PTPRF: variants seen among roughly 807,000 people sequenced by gnomAD.
PTPRF encodes the protein protein tyrosine phosphatase receptor type F.
Under a neutral mutation model 201.8 loss-of-function variants are expected in PTPRF, and 59 were observed. That is an observed-to-expected ratio of 0.29 (90% CI 0.24 to 0.36). The LOEUF is 0.36. Among genes scored for constraint, PTPRF ranks in the 10% least tolerant of loss-of-function variants. The pLI is 1.00. For missense variants in PTPRF, 2,132 were observed against 2,690.5 expected, an observed-to-expected ratio of 0.79 and a Z score of 4.59; for synonymous variants, 1,088 against 1,089.7, an observed-to-expected ratio of 1.00 and a Z score of 0.03.
In PTPRF at chr1:43,542,654, C is replaced by T. The variant is rs1644428825; in HGVS notation, c.-45-2377C>T. ...TGAAGTCTGTAACAGCACGTTACAC[C>T]TCTGCTAATGTATGGGGAGTTGCAC... On this transcript the variant is annotated intron_variant, in intron 2 of 33. Transcript: ENST00000359947. The surrounding 1 kb of genome is among the most constrained non-coding windows in gnomAD (Gnocchi z 5.2). Among the ~76,000 whole-genome samples the T allele has an allele frequency of 1.3e-5, 2 of 152,100 alleles. No homozygotes were observed. The highest frequency in any genetic ancestry group is 4.1e-4 in the South Asian group (2 of 4,820).
upstream of PTPRF, among the ~76,000 whole-genome samples, chr1:43,526,002 AT>A (rs940067416): frequency 1.3e-5 from 2 of 151,306 alleles, no homozygotes; most frequent in Non-Finnish European, 2.9e-5. Context: ...AAGGGAGGGA[AT>A]TTTTTTTAGG....
At position 43,593,655 on chromosome 1, in the gene PTPRF, G is replaced by A. The variant is rs189085841; in HGVS notation, c.1813+1054G>A. 1.2e-3 allele frequency among the ~76,000 whole-genome samples: 173 copies of A among 138,500 alleles called. 1 individual carries two copies. Among genetic ancestry groups the A allele is most frequent in the African/African-American group, 4.3e-3 (158 of 36,896 alleles). 90.9% of individuals were successfully genotyped at this position (138,500 alleles called of 152,430 possible). The stretch of plus-strand genomic sequence containing the variant: ...GGTCACAAGGTAAGCCACCGTGCCT[G>A]GCTCTTCCATCCTACTTTACACAAA... On this transcript the variant is annotated intron_variant, in intron 11 of 33. Coordinates refer to ENST00000359947, the MANE Select transcript of PTPRF (RefSeq NM_002840.5).
Position 43,605,461 on chromosome 1 carries a change from C to CG in PTPRF, c.3389+23dup. On this transcript the variant is annotated intron_variant, in intron 18 of 33. Transcript: ENST00000359947. ...CTTGTCAGGTGTGCACACGAGGTATCGGGGGAGGCGGGGCAGGGCTGGAGG... is the reference window on the plus strand; with the variant it reads ...CTTGTCAGGTGTGCACACGAGGTATCGGGGGGAGGCGGGGCAGGGCTGGAGG... The CG allele has an allele frequency of 2.5e-6, 4 of 1,610,144 alleles. 1 individual carries two copies. The highest frequency in any genetic ancestry group is 3.3e-4 in the Middle Eastern group (2 of 6,044).
chr1:43,525,804 C>T (rs1336004022), upstream of PTPRF, among the ~76,000 whole-genome samples: 1 of 35,566 alleles, frequency 2.8e-5, no homozygotes, highest in Non-Finnish European at 4.7e-5. Flanking sequence ...GACTCAGTCT[C>T]AAAAAAAAAA....
At chr1:43,551,552 C>T (rs564099587) in intron 3 of PTPRF, among the ~76,000 whole-genome samples, 126 of 152,274 alleles carry the variant, frequency 8.3e-4, no homozygotes, top group African/African-American at 3.0e-3. Context: ...AGAACATAGT[C>T]AGTCCCAAGG....
Position 43,553,506 on chromosome 1 carries a change from A to T in PTPRF, c.106A>T (p.Ile36Phe), listed in dbSNP as rs556396767. ...ATCTCTTCCAGGCAAACCTGTCTTCATTAAAGTCCCTGAGGACCAGACTGG... is the reference window on the plus strand; with the variant it reads ...ATCTCTTCCAGGCAAACCTGTCTTCTTTAAAGTCCCTGAGGACCAGACTGG... ...GAHGDSKPVF[I>F]KVPEDQTGLS... Residue 36 changes from isoleucine (I) to phenylalanine (F), a missense_variant, in exon 4 of 34, where the codon ATT (isoleucine) becomes TTT (phenylalanine). Ile to Phe is a conservative substitution (Grantham distance 21). Coordinates refer to ENST00000359947, the MANE Select transcript of PTPRF (RefSeq NM_002840.5). The surrounding 1 kb of genome is among the most constrained non-coding windows in gnomAD (Gnocchi z 4.1). The T allele has an allele frequency of 8.7e-6, 14 of 1,614,042 alleles. No individual in the cohort carries two copies. In the South Asian group the frequency reaches 1.3e-4, roughly 15 times the overall value.
chr1:43,622,091 C>T lies in PTPRF; in HGVS notation c.*88C>T. The T allele has an allele frequency of 7.1e-7, 1 of 1,403,218 alleles. No individual in the cohort carries two copies. The highest frequency in any genetic ancestry group is 1.0e-6 in the Non-Finnish European group (1 of 995,186). The allele number at this position is 1,403,218 out of a possible 1,614,324, so 86.9% of individuals were successfully genotyped here. ...GAGCCATACCGACCATCGTCCAGCCCTCCTACGCAGATGCTGTCACTGGCA... is the reference window on the plus strand; with the variant it reads ...GAGCCATACCGACCATCGTCCAGCCTTCCTACGCAGATGCTGTCACTGGCA... On this transcript the variant is annotated 3_prime_UTR_variant, in exon 34 of 34. Coordinates refer to ENST00000359947, the MANE Select transcript of PTPRF (RefSeq NM_002840.5).
intron 11 of PTPRF, among the ~76,000 whole-genome samples, chr1:43,596,381 G>A (rs1255209122): frequency 6.6e-6 from 1 of 152,134 alleles, no homozygotes; most frequent in African/African-American, 2.4e-5. Flanking sequence ...GTGGGTCAAG[G>A]GGCTGCTGAA....
Position 43,570,009 on chromosome 1 carries a change from C to T in PTPRF, c.568+231C>T, listed in dbSNP as rs145030939. ...TCAGACTCCAGACTTTGGGCCAGTTCTGCCCCTCCCAGCACATGTGATGTG... is the reference window on the plus strand; with the variant it reads ...TCAGACTCCAGACTTTGGGCCAGTTTTGCCCCTCCCAGCACATGTGATGTG... On this transcript the variant is annotated intron_variant, in intron 6 of 33. Transcript: ENST00000359947. Among the ~76,000 whole-genome samples the T allele has an allele frequency of 6.0e-4, 92 of 152,328 alleles. No homozygotes were observed. In the East Asian group the frequency reaches 0.017, roughly 28 times the overall value.
chr1:43,604,347 G>A (rs1654525701), intron 16 of PTPRF, among the ~76,000 whole-genome samples, 158 bp downstream of exon 16: 1 of 152,122 alleles, frequency 6.6e-6, no homozygotes, highest in African/African-American at 2.4e-5. Context: ...TAGTGAATGG[G>A]CACCACATTC....
chr1:43,540,518 G>A (rs979006721), intron 2 of PTPRF, among the ~76,000 whole-genome samples: 2 of 152,206 alleles, frequency 1.3e-5, no homozygotes, highest in Non-Finnish European at 2.9e-5. Flanking sequence ...GGGCCTGGAG[G>A]CTTAGGGGTT....
intron 3 of PTPRF, among the ~76,000 whole-genome samples, chr1:43,545,395 C>T (rs556913472): frequency 1.3e-5 from 2 of 152,202 alleles, no homozygotes; most frequent in East Asian, 3.9e-4. Context: ...GAATCGTGAC[C>T]CTGTCTTATG....
intron 7 of PTPRF, chr1:43,580,079 G>A (rs1245255864): frequency 3.0e-5 from 4 of 132,956 alleles, no homozygotes; most frequent in Admixed American, 7.1e-5. Flanking sequence ...AAAAAAAAAA[G>A]TACAACTGTC....
Position 43,619,218 on chromosome 1 carries a change from G to A in PTPRF, c.4646+16G>A, listed in dbSNP as rs554060423. 1.7e-6 allele frequency: 1 copy of A among 597,790 alleles called. No homozygotes were observed. 37.0% of individuals were successfully genotyped at this position (597,790 alleles called of 1,614,324 possible). ...TGCACTGCAGGTGAGAGGGTACAGT[G>A]CCACCCAGAGGGGTGGGTGGGGTGG... On this transcript the variant is annotated intron_variant, in intron 27 of 33. Coordinates refer to ENST00000359947, the MANE Select transcript of PTPRF (RefSeq NM_002840.5).
chr1:43,614,878 TAAAA>T (rs1209162371), intron 23 of PTPRF, among the ~76,000 whole-genome samples: 1 of 151,966 alleles, frequency 6.6e-6, no homozygotes, highest in African/African-American at 2.4e-5. Flanking sequence ...AAAAAACTCT[TAAAA>T]AAGAGTATTT....
At chr1:43,587,356 G>T (rs1199463468) in intron 7 of PTPRF, among the ~76,000 whole-genome samples, 1 of 152,214 alleles carries the variant, frequency 6.6e-6, no homozygotes, top group Non-Finnish European at 1.5e-5. Context: ...TTTGGTGGTG[G>T]CAGTTGCCTG....
intron 8 of PTPRF, among the ~76,000 whole-genome samples, chr1:43,589,466 G>A (rs1650041606): frequency 6.6e-6 from 1 of 151,972 alleles, no homozygotes; most frequent in African/African-American, 2.4e-5. Flanking sequence ...TAGCCTCCCA[G>A]CAAGAAGGGT....
At position 43,619,672 on chromosome 1, in the gene PTPRF, C is replaced by T; in HGVS notation, c.4933-8C>T. ...AGCCTGGCCTGACCAATCCCTGCCT[C>T]TCAATAGTTGCTGGCCAGCTCCAAG... On this transcript the variant is annotated splice_polypyrimidine_tract_variant and splice_region_variant and intron_variant, in intron 28 of 33. Transcript: ENST00000359947. The T allele has an allele frequency of 6.2e-7, 1 of 1,613,862 alleles. No individual in the cohort carries two copies. Among genetic ancestry groups the T allele is most frequent in the Non-Finnish European group, 8.5e-7 (1 of 1,179,820 alleles).
chr1:43,549,230 C>T (rs552525126), intron 3 of PTPRF, among the ~76,000 whole-genome samples: 14 of 152,188 alleles, frequency 9.2e-5, no homozygotes, highest in African/African-American at 2.2e-4. Flanking sequence ...AGTTGTGTTC[C>T]GACCCTCACT....
Sources: gnomAD v4.1 joint callset for allele counts (sites outside exome capture counted in the v4.1 genomes callset) on GRCh38, gnomAD v4.1.1 for gene constraint, Gnocchi (gnomAD v3.1) non-coding constraint, MANE v1.5 for transcripts, NCBI Gene and HGNC (gene_info 2026-07-23, HGNC 2026-07-21) for gene names.